Variants in ABCC4 observed in about 807,000 individuals in gnomAD.
ABCC4 encodes the protein ATP-binding cassette sub-family C member 4.
ABCC4 carries 102 observed loss-of-function variants against 168.5 expected under a neutral mutation model. The observed-to-expected ratio is 0.61, with a 90% CI of 0.52 to 0.71. The LOEUF is 0.71. ABCC4 is among the 30% of genes least tolerant of loss of function. ABCC4 has a pLI of 0.00. For missense variants in ABCC4, 1,402 were observed against 1,605.8 expected, an observed-to-expected ratio of 0.87 and a Z score of 2.17; for synonymous variants, 617 against 590.7, an observed-to-expected ratio of 1.04 and a Z score of -0.65.
intron 19 of ABCC4, among the ~76,000 whole-genome samples, chr13:95,126,760 AATAT>A (rs1351737800): frequency 2.2e-5 from 1 of 44,930 alleles, no homozygotes; most frequent in Admixed American, 3.1e-4. Context: ...TATATTCCAA[AATAT>A]ATATATATTT....
At chr13:95,110,308 CA>C (rs61438342) in intron 20 of ABCC4, among the ~76,000 whole-genome samples, 2,157 of 104,568 alleles carry the variant, frequency 0.021, 24 homozygotes, top group African/African-American at 0.054. Flanking sequence ...GACTCTGTCT[CA>C]AAAAAAAAAA....
chr13:95,101,913 C>T (rs1422568660), intron 20 of ABCC4, among the ~76,000 whole-genome samples: 4 of 152,088 alleles, frequency 2.6e-5, no homozygotes, highest in African/African-American at 9.7e-5. Flanking sequence ...TTAAAAAGTA[C>T]CTTTTATTTA....
At chr13:95,243,690 C>T (rs545313035) in intron 3 of ABCC4, among the ~76,000 whole-genome samples, 9 of 152,116 alleles carry the variant, frequency 5.9e-5, no homozygotes, top group East Asian at 1.9e-4. Context: ...AGTTCTAGAC[C>T]GGCCCGGACA....
chr13:95,247,684 C>T lies in ABCC4; in HGVS notation c.144G>A (p.Leu48=). Residue 48 remains leucine, a synonymous_variant, in exon 2 of 31, where the codon CTG becomes CTA. Coordinates refer to ENST00000645237, the MANE Select transcript of ABCC4 (RefSeq NM_005845.5). ...CAAGGTGCTGTGAGCGGTCTTCTGG[C>T]AGCACTGAATACATATCATCTTCCT... ...RLEEDDMYSV[L]PEDRSQHLGE... 1 of 1,614,078 alleles carries T rather than the reference C, an allele frequency of 6.2e-7. No homozygotes were observed. The highest frequency in any genetic ancestry group is 8.5e-7 in the Non-Finnish European group (1 of 1,180,014).
At chr13:95,174,303 A>G (rs190401694) in intron 13 of ABCC4, among the ~76,000 whole-genome samples, 3 of 152,354 alleles carry the variant, frequency 2.0e-5, no homozygotes, top group African/African-American at 7.2e-5. Context: ...GTTAATGGCA[A>G]ATAGAAGCGT....
At chr13:95,096,199 AC>A (rs766896355) in intron 20 of ABCC4, 1 of 643,028 alleles carries the variant, frequency 1.6e-6, no homozygotes, top group Non-Finnish European at 2.8e-6. Context: ...AAAAAAAAAA[AC>A]ATATTCAATG....
intron 8 of ABCC4, among the ~76,000 whole-genome samples, chr13:95,198,138 C>T (rs1394035683): frequency 6.6e-6 from 1 of 152,080 alleles, no homozygotes; most frequent in Non-Finnish European, 1.5e-5. Flanking sequence ...AGAGCTTCTC[C>T]ACAGCAAAAG....
chr13:95,042,255 C>T (rs1447587806), intron 29 of ABCC4, among the ~76,000 whole-genome samples: 1 of 152,212 alleles, frequency 6.6e-6, no homozygotes, highest in African/African-American at 2.4e-5. Flanking sequence ...GGACTGACTA[C>T]CCCTGTCTTC....
chr13:95,236,353 T>A (rs893658908), intron 3 of ABCC4, among the ~76,000 whole-genome samples: 5 of 148,782 alleles, frequency 3.4e-5, no homozygotes, highest in Non-Finnish European at 4.5e-5. Flanking sequence ...CTTTTCCTTT[T>A]AAGCAATCTC....
intron 1 of ABCC4, among the ~76,000 whole-genome samples, chr13:95,274,124 A>G (rs2040913499): frequency 6.6e-6 from 1 of 152,192 alleles, no homozygotes; most frequent in Non-Finnish European, 1.5e-5. Context: ...AAACAGACTC[A>G]TACAACTAAC....
chr13:95,039,017 A>G (rs569759265), intron 29 of ABCC4, among the ~76,000 whole-genome samples: 1 of 152,310 alleles, frequency 6.6e-6, no homozygotes, highest in Admixed American at 6.5e-5. Context: ...AATATTGGAA[A>G]AGAGAAAATA....
At chr13:95,273,662 C>G (rs898627245) in intron 1 of ABCC4, among the ~76,000 whole-genome samples, 31 of 148,020 alleles carry the variant, frequency 2.1e-4, no homozygotes, top group Admixed American at 9.4e-4. Context: ...CTCTGTGTCC[C>G]CACCCAAATC....
chr13:95,188,840 G>A (rs1024960005), intron 9 of ABCC4, among the ~76,000 whole-genome samples: 6 of 152,064 alleles, frequency 3.9e-5, no homozygotes, highest in African/African-American at 1.4e-4. Flanking sequence ...GACAAGACAA[G>A]CTTCTTGAAA....
At chr13:95,286,123 CTT>C (rs773328777) in intron 1 of ABCC4, among the ~76,000 whole-genome samples, 3 of 105,504 alleles carry the variant, frequency 2.8e-5, no homozygotes, top group Non-Finnish European at 3.7e-5. Context: ...TCCAGAAAAA[CTT>C]TTTTTTTTTT....
intron 19 of ABCC4, among the ~76,000 whole-genome samples, chr13:95,151,548 G>GAGGAGGAGGAGGAGGAGAAGGAGA (rs2036678070): frequency 4.1e-5 from 6 of 145,488 alleles, no homozygotes; most frequent in African/African-American, 1.3e-4. Flanking sequence ...AAGAAGGAAG[G>GAGGAGGAGGAGGAGGAGAAGGAGA]AGGAGGAGGA....
At chr13:95,039,048 A>AG (rs1196786793) in intron 29 of ABCC4, among the ~76,000 whole-genome samples, 2 of 152,218 alleles carry the variant, frequency 1.3e-5, no homozygotes, top group Non-Finnish European at 2.9e-5. Context: ...TGATGCTACA[A>AG]GGGCCAAGTT....
intron 1 of ABCC4, among the ~76,000 whole-genome samples, chr13:95,291,226 G>A (rs1246056694): frequency 3.3e-5 from 5 of 151,922 alleles, no homozygotes; most frequent in Admixed American, 3.3e-4. Context: ...GTGGTGGCCC[G>A]CACCTGTAGT....
At chr13:95,124,898 TA>T (rs1186413848) in intron 19 of ABCC4, among the ~76,000 whole-genome samples, 2 of 149,918 alleles carry the variant, frequency 1.3e-5, no homozygotes. Flanking sequence ...TAAAATAAAA[TA>T]AAAAAATAAT....
chr13:95,254,144 CA>C (rs1263066223), intron 1 of ABCC4, among the ~76,000 whole-genome samples: 1 of 152,198 alleles, frequency 6.6e-6, no homozygotes, highest in Non-Finnish European at 1.5e-5. Context: ...GTAATCCCCC[CA>C]CCTTGGCCTC....
Sources: gnomAD v4.1 joint callset for allele counts (sites outside exome capture counted in the v4.1 genomes callset) on GRCh38, gnomAD v4.1.1 for gene constraint, MANE v1.5 for transcripts, NCBI Gene and HGNC (gene_info 2026-07-23, HGNC 2026-07-21) for gene names.